Variants in CHRM3 observed in about 807,000 individuals in gnomAD.
CHRM3 encodes cholinergic receptor muscarinic 3, also known as muscarinic acetylcholine receptor M3.
CHRM3 carries 11 observed loss-of-function variants against 41.8 expected under a neutral mutation model. That is an observed-to-expected ratio of 0.26 (90% CI 0.17 to 0.44). CHRM3 has a LOEUF of 0.44. Among genes scored for constraint, CHRM3 ranks in the 20% least tolerant of loss-of-function variants. CHRM3 has a pLI of 1.00. For missense variants in CHRM3, 571 were observed against 745.4 expected, an observed-to-expected ratio of 0.77 and a Z score of 2.72; for synonymous variants, 297 against 301.4, an observed-to-expected ratio of 0.99 and a Z score of 0.15.
chr1:239,589,076 G>A (rs1455174521), intron 3 of CHRM3, among the ~76,000 whole-genome samples: 2 of 151,932 alleles, frequency 1.3e-5, no homozygotes, highest in Non-Finnish European at 2.9e-5. Flanking sequence ...TGGGATTACA[G>A]GCACGTGCCG....
At chr1:239,472,206 C>T (rs983858429) in intron 1 of CHRM3, among the ~76,000 whole-genome samples, 2 of 152,128 alleles carry the variant, frequency 1.3e-5, no homozygotes, top group East Asian at 1.9e-4. Flanking sequence ...TGGCCCATCC[C>T]GTCTTGTAGA....
intron 5 of CHRM3, among the ~76,000 whole-genome samples, chr1:239,708,731 ATT>A (rs1169759382): frequency 9.4e-5 from 5 of 53,352 alleles, no homozygotes; most frequent in Non-Finnish European, 2.1e-4. Context: ...TCTGGTTTAA[ATT>A]TTCTTTTTTT....
At chr1:239,535,543 C>T (rs949686508) in intron 2 of CHRM3, among the ~76,000 whole-genome samples, 2 of 150,260 alleles carry the variant, frequency 1.3e-5, no homozygotes, top group East Asian at 1.9e-4. Flanking sequence ...ATACCTACAT[C>T]GAGTGTGGGT....
At chr1:239,609,962 G>A (rs1666804214) in intron 3 of CHRM3, among the ~76,000 whole-genome samples, 1 of 152,058 alleles carries the variant, frequency 6.6e-6, no homozygotes, top group African/African-American at 2.4e-5. Context: ...GGAGGCCGAG[G>A]TGGGTGGATC....
At chr1:239,399,715 A>G (rs1481118834) in intron 1 of CHRM3, among the ~76,000 whole-genome samples, 1 of 152,172 alleles carries the variant, frequency 6.6e-6, no homozygotes. Context: ...TATTGTGTAT[A>G]TATACCACAT....
At chr1:239,783,732 CG>C (rs749855379) in intron 5 of CHRM3, among the ~76,000 whole-genome samples, 21 of 152,142 alleles carry the variant, frequency 1.4e-4, no homozygotes, top group Non-Finnish European at 2.1e-4. Flanking sequence ...ATTTTAGGTT[CG>C]GGGGTATATG....
chr1:239,621,639 T>G (rs1319016008), intron 3 of CHRM3, among the ~76,000 whole-genome samples: 1 of 152,210 alleles, frequency 6.6e-6, no homozygotes, highest in Non-Finnish European at 1.5e-5. Flanking sequence ...CAAGATTCCC[T>G]TAATCCATAG....
chr1:239,796,576 T>G (rs964909271), intron 5 of CHRM3, among the ~76,000 whole-genome samples: 3 of 152,076 alleles, frequency 2.0e-5, no homozygotes, highest in Non-Finnish European at 4.4e-5. Flanking sequence ...GGTGTATACT[T>G]AATGCACATG....
chr1:239,775,974 A>G (rs759537994), intron 5 of CHRM3, among the ~76,000 whole-genome samples: 1 of 152,244 alleles, frequency 6.6e-6, no homozygotes, highest in Non-Finnish European at 1.5e-5. Context: ...TTTAACCCTT[A>G]TAGATATTTC....
At position 239,907,665 on chromosome 1, in the gene CHRM3, G is replaced by A. The variant is rs764345192; in HGVS notation, c.214G>A (p.Ala72Thr). The A allele has an allele frequency of 1.4e-5, 22 of 1,614,026 alleles. No homozygotes were observed. Among genetic ancestry groups the A allele is most frequent in the East Asian group, 2.2e-5 (1 of 44,880 alleles). The change falls in exon 7 of 7, where the codon GCT becomes ACT. Residue 72 changes from alanine to threonine, a missense_variant. Coordinates refer to ENST00000676153, the MANE Select transcript of CHRM3 (RefSeq NM_001375978.1). The surrounding 1 kb of genome is among the most constrained non-coding windows in gnomAD (Gnocchi z 5.4). ...GHTVWQVVFI[A>T]FLTGILALVT... ...TACCGTCTGGCAAGTGGTCTTCATCGCTTTCTTAACGGGCATCCTGGCCTT... is the reference window on the plus strand; with the variant it reads ...TACCGTCTGGCAAGTGGTCTTCATCACTTTCTTAACGGGCATCCTGGCCTT...
At chr1:239,518,611 G>T (rs1429733049) in intron 2 of CHRM3, among the ~76,000 whole-genome samples, 1 of 152,202 alleles carries the variant, frequency 6.6e-6, no homozygotes, top group Non-Finnish European at 1.5e-5. Context: ...AAAAAAGCCA[G>T]AAGCTATTGC....
At chr1:239,825,075 C>A (rs192354644) in intron 5 of CHRM3, among the ~76,000 whole-genome samples, 2 of 152,208 alleles carry the variant, frequency 1.3e-5, no homozygotes, top group Non-Finnish European at 2.9e-5. Context: ...AGTGGTGGGC[C>A]AAGCAATTTC....
chr1:239,890,242 G>A (rs572395089), intron 6 of CHRM3, among the ~76,000 whole-genome samples: 2 of 151,956 alleles, frequency 1.3e-5, no homozygotes, highest in Admixed American at 6.6e-5. Context: ...CCGAGGTTGC[G>A]GTGAGGCTGC....
intron 6 of CHRM3, among the ~76,000 whole-genome samples, chr1:239,870,741 C>T (rs991833580): frequency 2.0e-5 from 3 of 152,184 alleles, no homozygotes; most frequent in Non-Finnish European, 4.4e-5. Flanking sequence ...ATATTAAAAT[C>T]TGTCAAAAAC....
intron 3 of CHRM3, among the ~76,000 whole-genome samples, chr1:239,604,174 TG>T (rs1248031454): frequency 6.6e-6 from 1 of 152,220 alleles, no homozygotes; most frequent in African/African-American, 2.4e-5. Context: ...CTGTGTTTTT[TG>T]TGTTCCTTAA....
intron 4 of CHRM3, among the ~76,000 whole-genome samples, chr1:239,640,130 G>A (rs1295417554): frequency 6.6e-6 from 1 of 151,254 alleles, no homozygotes; most frequent in African/African-American, 2.4e-5. Flanking sequence ...TGATCATGGT[G>A]GATAAGCTTT....
chr1:239,884,596 CTT>C (rs1677914098), intron 6 of CHRM3, among the ~76,000 whole-genome samples: 1 of 152,146 alleles, frequency 6.6e-6, no homozygotes, highest in Non-Finnish European at 1.5e-5. Flanking sequence ...CTTAACGAAG[CTT>C]TTTTGAGACT....
intron 5 of CHRM3, among the ~76,000 whole-genome samples, chr1:239,801,553 T>G (rs923556221): frequency 6.6e-6 from 1 of 152,212 alleles, no homozygotes; most frequent in Non-Finnish European, 1.5e-5. Context: ...ATTAGCTGTG[T>G]TTTCTGTTTA....
intron 6 of CHRM3, among the ~76,000 whole-genome samples, chr1:239,883,018 C>CTAAG (rs1677775156): frequency 6.6e-6 from 1 of 152,208 alleles, no homozygotes; most frequent in Admixed American, 6.5e-5. Flanking sequence ...AAATACATAT[C>CTAAG]TAAGTGTTTT....
Sources: gnomAD v4.1 joint callset for allele counts (sites outside exome capture counted in the v4.1 genomes callset) on GRCh38, gnomAD v4.1.1 for gene constraint, Gnocchi (gnomAD v3.1) non-coding constraint, MANE v1.5 for transcripts, NCBI Gene and HGNC (gene_info 2026-07-23, HGNC 2026-07-21) for gene names.